PCDHGB7: variants seen among roughly 807,000 people sequenced by gnomAD.
PCDHGB7 encodes the protein protocadherin gamma subfamily B, 7.
PCDHGB7 carries 37 observed loss-of-function variants against 61.4 expected under a neutral mutation model. The observed-to-expected ratio is 0.60, with a 90% confidence interval of 0.46 to 0.79. PCDHGB7 has a LOEUF of 0.79. Ranked by LOEUF, PCDHGB7 falls within the 30% of genes least tolerant of loss-of-function variation. The pLI, the probability that PCDHGB7 is intolerant of heterozygous loss-of-function variation, is 0.00. For missense variants in PCDHGB7, 1,166 were observed against 1,202.5 expected (o/e 0.97, Z 0.45); for synonymous variants, 464 against 503.5 (o/e 0.92, Z 1.05).
intron 3 of PCDHGB7, among the ~76,000 whole-genome samples, chr5:141,510,048 G>GTGAT (rs1392197406): frequency 1.3e-5 from 2 of 152,192 alleles, no homozygotes; most frequent in Non-Finnish European, 2.9e-5. Context: ...GAGGTTAAAA[G>GTGAT]TGATTGTGCA....
intron 1 of PCDHGB7, chr5:141,423,517 T>G (rs750915364): frequency 1.9e-6 from 3 of 1,613,716 alleles, no homozygotes; most frequent in Non-Finnish European, 2.5e-6. Flanking sequence ...CATTGCGGAC[T>G]CGCAGAAGAG....
chr5:141,421,051 A>G (rs1330155141), intron 1 of PCDHGB7: 8 of 559,830 alleles, frequency 1.4e-5, no homozygotes, highest in South Asian at 2.6e-5. Flanking sequence ...CCCCGCCTCT[A>G]CCACACAAAG....
chr5:141,510,307 G>C (rs1250172295), intron 3 of PCDHGB7, among the ~76,000 whole-genome samples: 1 of 151,446 alleles, frequency 6.6e-6, no homozygotes, highest in African/African-American at 2.4e-5. Context: ...TTTTGAAATG[G>C]AGGCTTGGAA....
Position 141,491,000 on chromosome 5 carries a change from C to T in PCDHGB7, c.2416-3807C>T. 6.2e-7 allele frequency: 1 copy of T among 1,614,142 alleles called. No homozygotes were observed. The highest frequency in any genetic ancestry group is 1.1e-5 in the South Asian group (1 of 91,086). On this transcript the variant is annotated intron_variant, in intron 1 of 3. Transcript: ENST00000398594. The surrounding 1 kb of genome is among the most constrained non-coding windows in gnomAD (Gnocchi z 5.4). ...CTCCCTCGCTCTGCTCCTCCTGGCTCCTTGGTCACCAAGGTGACAGCCGTG... is the reference window on the plus strand; with the variant it reads ...CTCCCTCGCTCTGCTCCTCCTGGCTTCTTGGTCACCAAGGTGACAGCCGTG...
At position 141,511,648 on chromosome 5, in the gene PCDHGB7, G is replaced by T. The variant is rs553080689; in HGVS notation, c.*475G>T. The T allele has an allele frequency of 1.4e-5, 3 of 214,700 alleles. No homozygotes were observed. Among genetic ancestry groups the T allele is most frequent in the East Asian group, 2.1e-4 (2 of 9,414 alleles). The allele number at this position is 214,700 out of a possible 1,614,324, so 13.3% of individuals were successfully genotyped here. A position where few individuals can be genotyped will look rare whatever the true frequency, so the allele number is the denominator to read the frequency against. On this transcript the variant is annotated 3_prime_UTR_variant, in exon 4 of 4. Coordinates refer to ENST00000398594, the MANE Select transcript of PCDHGB7 (RefSeq NM_018927.4). ...AGTTGGAAGGGCATCATGACCTCTTGGCCTCTCCTTTGATTCTCAATCTTC... is the reference window on the plus strand; with the variant it reads ...AGTTGGAAGGGCATCATGACCTCTTTGCCTCTCCTTTGATTCTCAATCTTC...
chr5:141,503,377 A>G lies in PCDHGB7; in HGVS notation c.2475-2016A>G, dbSNP rs534841057. Among the ~76,000 whole-genome samples, 4 of 152,142 alleles carry G rather than the reference A, an allele frequency of 2.6e-5. No homozygotes were observed. In the East Asian group the frequency reaches 7.8e-4, roughly 30 times the overall value. The stretch of plus-strand genomic sequence containing the variant: ...TTTGGGAAGCGGAGGCAGGTGGATC[A>G]TGAGGTCAGGAGTTCGAAACCAACC... On this transcript the variant is annotated intron_variant, in intron 2 of 3. Coordinates refer to ENST00000398594, the MANE Select transcript of PCDHGB7 (RefSeq NM_018927.4).
intron 1 of PCDHGB7, chr5:141,423,975 A>T: frequency 8.9e-7 from 1 of 1,126,024 alleles, no homozygotes; most frequent in Non-Finnish European, 1.1e-6. Flanking sequence ...TTATCAGTGT[A>T]TGAGGCTCTC....
intron 1 of PCDHGB7, chr5:141,424,576 C>CA (rs2096829154): frequency 6.6e-6 from 1 of 152,132 alleles, no homozygotes; most frequent in African/African-American, 2.4e-5. Context: ...AACCTATTTT[C>CA]AAATGTGCTA....
At chr5:141,505,604 G>T (rs772730114) in intron 3 of PCDHGB7, 123 bp downstream of exon 3, 1 of 1,535,418 alleles carries the variant, frequency 6.5e-7, no homozygotes, top group Non-Finnish European at 8.8e-7. Flanking sequence ...CTTTCGGCAG[G>T]TCTGAAAGGA....
Position 141,489,267 on chromosome 5 carries a change from C to G in PCDHGB7, c.2416-5540C>G. 6.4e-7 allele frequency: 1 copy of G among 1,553,302 alleles called. No homozygotes were observed. Among genetic ancestry groups the G allele is most frequent in the Non-Finnish European group, 8.7e-7 (1 of 1,149,864 alleles). The stretch of plus-strand genomic sequence containing the variant: ...TGGGGCCCAAGACACTCCCACAGCT[C>G]GCTGGGAAATGGCAAGTGCTGTGCA... On this transcript the variant is annotated intron_variant, in intron 1 of 3. Coordinates refer to ENST00000398594, the MANE Select transcript of PCDHGB7 (RefSeq NM_018927.4). The surrounding 1 kb of genome is among the most constrained non-coding windows in gnomAD (Gnocchi z 4.5).
chr5:141,432,209 A>C lies in PCDHGB7; in HGVS notation c.2415+11935A>C, dbSNP rs1473794319. ...CGCCCACGACCCCGACTGTGAAGAGAACGCCCAGATCACTTATTCCCTGGC... is the reference window on the plus strand; with the variant it reads ...CGCCCACGACCCCGACTGTGAAGAGCACGCCCAGATCACTTATTCCCTGGC... On this transcript the variant is annotated intron_variant, in intron 1 of 3. Transcript: ENST00000398594. This position sits in a 1 kb window ranked among gnomAD's most constrained non-coding sequence, Gnocchi z 6.0. 2 of 1,614,098 alleles carry C rather than the reference A, an allele frequency of 1.2e-6. No homozygotes were observed. Among genetic ancestry groups the C allele is most frequent in the Non-Finnish European group, 8.5e-7 (1 of 1,180,032 alleles).
At chr5:141,488,198 G>C (rs1007623840) in intron 1 of PCDHGB7, among the ~76,000 whole-genome samples, 1 of 152,166 alleles carries the variant, frequency 6.6e-6, no homozygotes, top group Non-Finnish European at 1.5e-5. Flanking sequence ...CTGGGTCTTA[G>C]GACTCATATC....
intron 1 of PCDHGB7, chr5:141,433,049 C>A (rs1418118305): frequency 6.2e-7 from 1 of 1,614,110 alleles, no homozygotes; most frequent in Admixed American, 1.7e-5. Flanking sequence ...CACGGACTCG[C>A]GGAAGAGTCA....
rs1308299122 is a variant in PCDHGB7, at chr5:141,418,337, C to G, written c.478C>G (p.Pro160Ala). Reference sequence around the variant, plus strand: ...AACAATTCTTGAGTCTGCAGAAGATCCTGATATTAGTATGAATTCGCTGAG... The same window carrying G: ...AACAATTCTTGAGTCTGCAGAAGATGCTGATATTAGTATGAATTCGCTGAG... ...MGTILESAED[P>A]DISMNSLSKY... Residue 160 changes from proline to alanine, a missense_variant, in exon 1 of 4, where the codon CCT becomes GCT. Physicochemically the swap from Pro to Ala is conservative, Grantham distance 27. Transcript: ENST00000398594. 1 of 1,613,972 alleles carries G rather than the reference C, an allele frequency of 6.2e-7. No individual in the cohort carries two copies. Among genetic ancestry groups the G allele is most frequent in the East Asian group, 2.2e-5 (1 of 44,878 alleles).
chr5:141,478,767 C>T (rs953695562), intron 1 of PCDHGB7: 44 of 1,500,650 alleles, frequency 2.9e-5, no homozygotes, highest in Non-Finnish European at 3.9e-5. Context: ...ATACTTGACT[C>T]ATCTGTGGAC....
intron 2 of PCDHGB7, among the ~76,000 whole-genome samples, chr5:141,495,521 C>G (rs1385879589): frequency 6.6e-6 from 1 of 152,144 alleles, no homozygotes; most frequent in Non-Finnish European, 1.5e-5. Flanking sequence ...TTTCTCTTAC[C>G]TCTCAGTCCT....
chr5:141,431,921 G>C lies in PCDHGB7; in HGVS notation c.2415+11647G>C, dbSNP rs775520324. ...CGGACAGGTGATCTGTTTCATCCAA[G>C]GAAATCTGCCCTTTAAATTAGAAAA... On this transcript the variant is annotated intron_variant, in intron 1 of 3. Transcript: ENST00000398594. This position sits in a 1 kb window ranked among gnomAD's most constrained non-coding sequence, Gnocchi z 4.8. 8.7e-6 allele frequency: 14 copies of C among 1,614,024 alleles called. No individual in the cohort carries two copies. Among genetic ancestry groups the C allele is most frequent in the Non-Finnish European group, 1.2e-5 (14 of 1,179,998 alleles).
chr5:141,444,475 A>C (rs572738630), intron 1 of PCDHGB7, among the ~76,000 whole-genome samples: 2 of 152,110 alleles, frequency 1.3e-5, no homozygotes, highest in East Asian at 3.9e-4. Context: ...CCGGTCGCGT[A>C]CTGGATTTAT....
Position 141,487,059 on chromosome 5 carries a change from G to A in PCDHGB7, c.2416-7748G>A, listed in dbSNP as rs760836605. 1.7e-5 allele frequency: 27 copies of A among 1,613,952 alleles called. No homozygotes were observed. Among genetic ancestry groups the A allele is most frequent in the Non-Finnish European group, 2.0e-5 (24 of 1,179,994 alleles). On this transcript the variant is annotated intron_variant, in intron 1 of 3. Transcript: ENST00000398594. This position sits in a 1 kb window ranked among gnomAD's most constrained non-coding sequence, Gnocchi z 5.0. ...GTCTCTCGATATGCTGGGGAGGTGC[G>A]GACGGCTGTTCCTATCCCAGCTGAC...
Sources: allele counts gnomAD v4.1 joint callset (sites outside exome capture counted in the v4.1 genomes callset), GRCh38; gene constraint gnomAD v4.1.1; non-coding constraint Gnocchi (gnomAD v3.1); transcripts MANE v1.5; gene names NCBI Gene and HGNC (gene_info 2026-07-23, HGNC 2026-07-21).